AFF3: variants seen among roughly 807,000 people sequenced by gnomAD.
AFF3 encodes the protein AF4/FMR2 family member 3.
A neutral mutation model predicts 129.7 loss-of-function variants in AFF3; 32 were observed. That is an observed-to-expected ratio of 0.25 (90% CI 0.19 to 0.33). AFF3 has a LOEUF of 0.33. Ranked by LOEUF, AFF3 falls within the 10% of genes least tolerant of loss-of-function variation. The pLI, the probability that AFF3 is intolerant of heterozygous loss-of-function variation, is 1.00. For missense variants in AFF3, 1,373 were observed against 1,592.0 expected, an observed-to-expected ratio of 0.86 and a Z score of 2.34; for synonymous variants, 644 against 635.4, an observed-to-expected ratio of 1.01 and a Z score of -0.20.
At chr2:100,005,497 T>G (rs191980071) in intron 7 of AFF3, among the ~76,000 whole-genome samples, 1 of 152,288 alleles carries the variant, frequency 6.6e-6, no homozygotes, top group East Asian at 1.9e-4. Flanking sequence ...ATGAATTCAG[T>G]TTTGTAAGAT....
intron 8 of AFF3, among the ~76,000 whole-genome samples, chr2:99,766,488 T>A (rs1289756610): frequency 6.6e-6 from 1 of 152,226 alleles, no homozygotes; most frequent in Non-Finnish European, 1.5e-5. Context: ...GCTCCAGATA[T>A]TGACAGTAAA....
intron 12 of AFF3, among the ~76,000 whole-genome samples, chr2:99,667,307 A>G (rs1169413074): frequency 2.0e-5 from 3 of 152,238 alleles, no homozygotes; most frequent in Non-Finnish European, 4.4e-5. Flanking sequence ...AAGAAGTCTT[A>G]CTGAACTGAA....
intron 8 of AFF3, among the ~76,000 whole-genome samples, chr2:99,774,159 C>T (rs570634322): frequency 2.0e-5 from 3 of 152,310 alleles, no homozygotes; most frequent in South Asian, 2.1e-4. Flanking sequence ...GGCCACACTG[C>T]CCAAAGCAAT....
At chr2:99,672,798 C>T (rs1431013737) in intron 11 of AFF3, among the ~76,000 whole-genome samples, 2 of 152,118 alleles carry the variant, frequency 1.3e-5, no homozygotes, top group African/African-American at 4.8e-5. Flanking sequence ...AAAAATTAAC[C>T]CTCACAACAG....
chr2:100,023,302 T>A (rs1048952576), intron 4 of AFF3, among the ~76,000 whole-genome samples: 2 of 152,182 alleles, frequency 1.3e-5, no homozygotes, highest in African/African-American at 4.8e-5. Context: ...AGGTACATTC[T>A]GGAAGCAGCA....
chr2:99,875,445 T>C (rs1169739479), intron 7 of AFF3, among the ~76,000 whole-genome samples: 1 of 152,348 alleles, frequency 6.6e-6, no homozygotes, highest in East Asian at 1.9e-4. Context: ...CTGCCCAAAA[T>C]TGCTTTATTT....
intron 4 of AFF3, among the ~76,000 whole-genome samples, chr2:100,098,572 C>T (rs1690460267): frequency 7.1e-6 from 1 of 140,634 alleles, no homozygotes; most frequent in Non-Finnish European, 1.5e-5. Context: ...GACATTCTCC[C>T]AAAATAGATT....
Position 100,006,487 on chromosome 2 carries a change from C to T in AFF3, c.873+145G>A, listed in dbSNP as rs1442785798. 16 of 992,588 alleles carry T rather than the reference C, an allele frequency of 1.6e-5. No individual in the cohort carries two copies. The Admixed American group carries it at 4.4e-4, about 28-fold the overall frequency. The allele number at this position is 992,588 out of a possible 1,614,324, so 61.5% of individuals were successfully genotyped here. A position where few individuals can be genotyped will look rare whatever the true frequency, so the allele number is the denominator to read the frequency against. On this transcript the variant is annotated intron_variant, in intron 7 of 24. Transcript: ENST00000672756. The stretch of plus-strand genomic sequence containing the variant: ...AAGAAATCACTATTTAAGTCTGCCT[C>T]CCCTTTCAGTGACTGCTACAAATCC...
intron 7 of AFF3, among the ~76,000 whole-genome samples, chr2:99,959,089 C>T (rs1335830422): frequency 6.6e-6 from 1 of 151,666 alleles, no homozygotes; most frequent in Non-Finnish European, 1.5e-5. Flanking sequence ...AGAGCGAGAC[C>T]CTGCCTCTGA....
chr2:99,570,115 G>A (rs1164065276), intron 18 of AFF3, among the ~76,000 whole-genome samples: 2 of 152,138 alleles, frequency 1.3e-5, no homozygotes, highest in Non-Finnish European at 2.9e-5. Flanking sequence ...CATTGTGGTG[G>A]GTCTTTCACT....
chr2:99,642,884 A>G (rs1241970339), intron 13 of AFF3, among the ~76,000 whole-genome samples: 1 of 152,206 alleles, frequency 6.6e-6, no homozygotes, highest in Non-Finnish European at 1.5e-5. Flanking sequence ...TGTGAGGATC[A>G]TAAAATGAGA....
chr2:100,019,010 T>C (rs1380275821), intron 4 of AFF3, among the ~76,000 whole-genome samples: 2 of 152,224 alleles, frequency 1.3e-5, no homozygotes, highest in African/African-American at 4.8e-5. Context: ...TCATATTTTA[T>C]AACATGCTTA....
intron 8 of AFF3, among the ~76,000 whole-genome samples, chr2:99,798,022 T>C (rs1446237831): frequency 2.0e-5 from 3 of 152,102 alleles, no homozygotes; most frequent in Admixed American, 2.0e-4. Flanking sequence ...ATAATTTGAA[T>C]ATGTTTAAAA....
chr2:99,734,806 T>A (rs754869838), intron 10 of AFF3, among the ~76,000 whole-genome samples: 3 of 152,164 alleles, frequency 2.0e-5, no homozygotes, highest in Non-Finnish European at 4.4e-5. Flanking sequence ...ACATTTATGA[T>A]CATGAATGAT....
At chr2:100,044,123 G>A (rs1016593956) in intron 4 of AFF3, among the ~76,000 whole-genome samples, 2 of 152,184 alleles carry the variant, frequency 1.3e-5, no homozygotes, top group Non-Finnish European at 2.9e-5. Flanking sequence ...AGTGATGAGG[G>A]TGGTGTGCGG....
At chr2:99,896,583 G>C (rs920384622) in intron 7 of AFF3, among the ~76,000 whole-genome samples, 2 of 122,526 alleles carry the variant, frequency 1.6e-5, no homozygotes, top group African/African-American at 6.0e-5. Context: ...TTCTAGTCAA[G>C]ATGTTTCATT....
intron 8 of AFF3, among the ~76,000 whole-genome samples, chr2:99,835,904 C>T (rs1051091986): frequency 2.0e-5 from 3 of 152,032 alleles, no homozygotes; most frequent in African/African-American, 7.3e-5. Flanking sequence ...AGGACTGGGG[C>T]GAGAGGGGCA....
chr2:100,098,329 G>A (rs973084059), intron 4 of AFF3, among the ~76,000 whole-genome samples: 1 of 151,998 alleles, frequency 6.6e-6, no homozygotes. Flanking sequence ...TATTAAAATC[G>A]TCTTTTATGG....
chr2:99,810,884 C>A (rs1686737245), intron 8 of AFF3, among the ~76,000 whole-genome samples: 1 of 152,166 alleles, frequency 6.6e-6, no homozygotes, highest in South Asian at 2.1e-4. Context: ...TTTCCATCTT[C>A]AAAGCCAGCG....
Sources: allele counts gnomAD v4.1 joint callset (sites outside exome capture counted in the v4.1 genomes callset), GRCh38; gene constraint gnomAD v4.1.1; transcripts MANE v1.5; gene names NCBI Gene and HGNC (gene_info 2026-07-23, HGNC 2026-07-21).